CEP112: variants seen among roughly 807,000 people sequenced by gnomAD.
The protein encoded by CEP112 is centrosomal protein of 112 kDa.
In CEP112, 127 loss-of-function variants were observed where a neutral mutation model predicts 153.0. That is an observed-to-expected ratio of 0.83 (90% confidence interval 0.72 to 0.96). CEP112 has a LOEUF of 0.96. Among genes scored for constraint, CEP112 ranks in the 40% least tolerant of loss-of-function variants. The pLI is 0.00. For synonymous variants in CEP112, 358 were observed against 374.4 expected, an observed-to-expected ratio of 0.96 and a Z score of 0.51; for missense variants, 1,089 against 1,101.2, an observed-to-expected ratio of 0.99 and a Z score of 0.16.
At chr17:65,717,442 T>C (rs918834643) in intron 23 of CEP112, among the ~76,000 whole-genome samples, 1 of 152,196 alleles carries the variant, frequency 6.6e-6, no homozygotes, top group Non-Finnish European at 1.5e-5. Flanking sequence ...TTGAAACTTA[T>C]TTGCTGGTTT....
At chr17:66,066,088 C>G (rs2067106855) in intron 10 of CEP112, among the ~76,000 whole-genome samples, 1 of 152,106 alleles carries the variant, frequency 6.6e-6, no homozygotes. Context: ...TACAAAAGTT[C>G]CTTTCCCAAA....
At chr17:66,189,233 G>A (rs2073067734) in intron 1 of CEP112, among the ~76,000 whole-genome samples, 1 of 152,132 alleles carries the variant, frequency 6.6e-6, no homozygotes, top group African/African-American at 2.4e-5. Context: ...AGGCGCGTTG[G>A]CTCACACCTG....
chr17:66,125,802 A>C (rs2069820702), intron 6 of CEP112, among the ~76,000 whole-genome samples: 2 of 152,144 alleles, frequency 1.3e-5, no homozygotes, highest in Admixed American at 1.3e-4. Context: ...AAGAAAAGAG[A>C]CTACAAATCT....
chr17:65,984,009 G>A (rs1243333020), intron 17 of CEP112, among the ~76,000 whole-genome samples: 1 of 151,826 alleles, frequency 6.6e-6, no homozygotes, highest in East Asian at 1.9e-4. Context: ...TTGAGGTTAA[G>A]GCTTAGCTTA....
At position 65,805,695 on chromosome 17, in the gene CEP112, C is replaced by T. The variant is rs536298399; in HGVS notation, c.2394+46109G>A. ...ACAATATCTGATAAATGAGGTATTC[C>T]TGTACTTCCTTTTATTTGGCTTGAA... On this transcript the variant is annotated intron_variant, in intron 21 of 26. Transcript: ENST00000535342. 3.9e-5 allele frequency among the ~76,000 whole-genome samples: 6 copies of T among 152,236 alleles called. No homozygotes were observed. In the East Asian group the frequency reaches 5.8e-4, roughly 15 times the overall value.
At chr17:65,966,793 G>A (rs1172446202) in intron 17 of CEP112, among the ~76,000 whole-genome samples, 1 of 152,162 alleles carries the variant, frequency 6.6e-6, no homozygotes, top group Non-Finnish European at 1.5e-5. Context: ...TTTAAAAATG[G>A]TAAACCCTGT....
At chr17:65,641,951 G>A (rs2045160978) in intron 24 of CEP112, among the ~76,000 whole-genome samples, 1 of 152,068 alleles carries the variant, frequency 6.6e-6, no homozygotes, top group Admixed American at 6.6e-5. Flanking sequence ...AATACTATCG[G>A]GCCTGTGTTT....
chr17:65,838,577 C>T (rs1336270810), intron 21 of CEP112, among the ~76,000 whole-genome samples: 1 of 152,038 alleles, frequency 6.6e-6, no homozygotes, highest in African/African-American at 2.4e-5. Flanking sequence ...AACAATCTAA[C>T]ACTGCACTTC....
At chr17:65,834,189 G>T (rs926971689) in intron 21 of CEP112, among the ~76,000 whole-genome samples, 14 of 151,794 alleles carry the variant, frequency 9.2e-5, no homozygotes, top group African/African-American at 3.4e-4. Context: ...AAAATAAAAA[G>T]AAAAATCAAC....
In CEP112 at chr17:65,756,516, G is replaced by C. The variant is rs988839050; in HGVS notation, c.2395-5792C>G. Among the ~76,000 whole-genome samples the C allele has an allele frequency of 2.0e-5, 3 of 151,912 alleles. 1 individual carries two copies. Among genetic ancestry groups the C allele is most frequent in the Non-Finnish European group, 2.9e-5 (2 of 68,004 alleles). ...TCAGTTGTGTCAAATGCTACAGAGA[G>C]GCCATAGAAAGTGAGGCCTGAGAAT... On this transcript the variant is annotated intron_variant, in intron 21 of 26. Transcript: ENST00000535342.
At chr17:65,743,784 G>GC (rs1250340761) in intron 22 of CEP112, among the ~76,000 whole-genome samples, 2 of 150,824 alleles carry the variant, frequency 1.3e-5, no homozygotes, top group Non-Finnish European at 3.0e-5. Flanking sequence ...TTTTTGAGAT[G>GC]GAGTTTCGTT....
intron 18 of CEP112, among the ~76,000 whole-genome samples, chr17:65,952,205 C>T (rs943527741): frequency 6.6e-6 from 1 of 151,918 alleles, no homozygotes; most frequent in Non-Finnish European, 1.5e-5. Context: ...AAATCATCAC[C>T]CAAGTCTCAG....
At chr17:65,991,239 T>C (rs952390451) in intron 17 of CEP112, among the ~76,000 whole-genome samples, 1 of 152,212 alleles carries the variant, frequency 6.6e-6, no homozygotes, top group African/African-American at 2.4e-5. Context: ...ATATAATTCA[T>C]TGAATTCTAG....
At chr17:66,099,722 C>A (rs2146300964) in intron 6 of CEP112, among the ~76,000 whole-genome samples, 1 of 152,094 alleles carries the variant, frequency 6.6e-6, no homozygotes, top group Middle Eastern at 3.4e-3. Flanking sequence ...AAAAAAGAAT[C>A]CAATATCCAC....
chr17:66,130,595 G>A (rs1229907824), intron 5 of CEP112, among the ~76,000 whole-genome samples: 2 of 152,044 alleles, frequency 1.3e-5, no homozygotes, highest in African/African-American at 2.4e-5. Flanking sequence ...CTAACAGGCT[G>A]AAACCCTGTC....
chr17:65,815,392 T>C (rs1274484395), intron 21 of CEP112, among the ~76,000 whole-genome samples: 1 of 152,138 alleles, frequency 6.6e-6, no homozygotes, highest in Non-Finnish European at 1.5e-5. Context: ...ATGTTAATCT[T>C]TACACCAATA....
chr17:66,098,578 A>C (rs1452391591), intron 6 of CEP112, among the ~76,000 whole-genome samples: 1 of 152,222 alleles, frequency 6.6e-6, no homozygotes, highest in East Asian at 1.9e-4. Context: ...CAATCAAGTA[A>C]AACTTAAAAG....
At chr17:65,691,839 C>T (rs764857703) in intron 23 of CEP112, among the ~76,000 whole-genome samples, 9 of 152,156 alleles carry the variant, frequency 5.9e-5, no homozygotes, top group Non-Finnish European at 8.8e-5. Flanking sequence ...TTCCTGCTCT[C>T]TAATCCATCC....
intron 23 of CEP112, among the ~76,000 whole-genome samples, chr17:65,705,961 C>T (rs1048000351): frequency 3.3e-5 from 5 of 152,090 alleles, no homozygotes; most frequent in African/African-American, 7.2e-5. Context: ...CAGTGTAAAA[C>T]GACTTGATGT....
Sources: gnomAD v4.1 joint callset for allele counts (sites outside exome capture counted in the v4.1 genomes callset) on GRCh38, gnomAD v4.1.1 for gene constraint, MANE v1.5 for transcripts, NCBI Gene and HGNC (gene_info 2026-07-23, HGNC 2026-07-21) for gene names.